ADAMTS7: variants seen among roughly 807,000 people sequenced by gnomAD.
ADAMTS7 encodes the protein A disintegrin and metalloproteinase with thrombospondin motifs 7.
ADAMTS7 carries 89 observed loss-of-function variants against 172.6 expected under a neutral mutation model. The ratio of observed to expected loss-of-function variants is 0.52; its 90% confidence interval spans 0.43 to 0.61. The LOEUF (loss-of-function observed/expected upper bound fraction) is 0.61. Among genes scored for constraint, ADAMTS7 ranks in the 20% least tolerant of loss-of-function variants. The pLI is 0.00. For missense variants in ADAMTS7, 1,973 were observed against 2,355.6 expected (o/e 0.84, Z 3.36); for synonymous variants, 885 against 978.4 (o/e 0.90, Z 1.78).
chr15:78,773,036 C>T (rs1327341922), intron 14 of ADAMTS7, 47 bp downstream of exon 14: 1 of 1,442,730 alleles, frequency 6.9e-7, no homozygotes, highest in South Asian at 1.2e-5. Context: ...GGGAAGGGGC[C>T]ATCAGGTGAA....
chr15:78,793,742 T>C (rs776764787), intron 4 of ADAMTS7, among the ~76,000 whole-genome samples: 25 of 152,190 alleles, frequency 1.6e-4, no homozygotes, highest in Non-Finnish European at 2.9e-4. Context: ...CAGTCTTAAA[T>C]AAACATCTGA....
intron 1 of ADAMTS7, 129 bp downstream of exon 1, chr15:78,810,992 A>T (rs1318047781): frequency 3.9e-6 from 4 of 1,024,082 alleles, no homozygotes; most frequent in Non-Finnish European, 5.0e-6. Flanking sequence ...CAGGGAGCGG[A>T]AGACGCGACC....
chr15:78,775,312 G>A (rs996361439), intron 11 of ADAMTS7, among the ~76,000 whole-genome samples: 1 of 152,322 alleles, frequency 6.6e-6, no homozygotes, highest in South Asian at 2.1e-4. Context: ...ACCTAGCACA[G>A]CTCCTGAAAT....
intron 4 of ADAMTS7, among the ~76,000 whole-genome samples, chr15:78,793,353 T>C (rs1596195725): frequency 1.4e-5 from 1 of 69,204 alleles, no homozygotes. Context: ...CTGTTTTACC[T>C]TTTTTTTTTT....
At position 78,777,483 on chromosome 15, in the gene ADAMTS7, G is replaced by T. The variant is rs145300723; in HGVS notation, c.1428C>A (p.Leu476=). ...VLYDVSHQCR[L]QYGAYSAFCE... ...AGAAGGCAGAGTAGGCCCCGTACTG[G>T]AGGCGGCACTGGTGGCTTACATCAT... The change falls in exon 9 of 24, where the codon CTC becomes CTA. Residue 476 remains leucine, a synonymous_variant. Transcript: ENST00000388820. The T allele has an allele frequency of 1.2e-4, 188 of 1,612,918 alleles. No homozygotes were observed. Among genetic ancestry groups the T allele is most frequent in the Non-Finnish European group, 1.5e-4 (179 of 1,179,626 alleles).
chr15:78,796,921 G>A (rs571187946), intron 3 of ADAMTS7, 135 bp from the exon 4 acceptor site: 16 of 770,046 alleles, frequency 2.1e-5, no homozygotes, highest in Admixed American at 1.2e-4. Flanking sequence ...GCCTGAATTC[G>A]CCTCCTGGCT....
intron 8 of ADAMTS7, among the ~76,000 whole-genome samples, chr15:78,784,411 G>A (rs1489946635): frequency 9.9e-5 from 5 of 50,318 alleles, no homozygotes; most frequent in Non-Finnish European, 2.1e-4. Flanking sequence ...GAAGAGGGGG[G>A]AGGGAGGGAG....
At chr15:78,789,544 G>T in intron 7 of ADAMTS7, 145 bp downstream of exon 7, 1 of 1,151,392 alleles carries the variant, frequency 8.7e-7, no homozygotes, top group Non-Finnish European at 1.2e-6. Flanking sequence ...GACAGTGCAG[G>T]GGCAGCACAT....
intron 1 of ADAMTS7, among the ~76,000 whole-genome samples, chr15:78,807,704 G>A (rs1414093188): frequency 6.6e-6 from 1 of 152,172 alleles, no homozygotes; most frequent in East Asian, 1.9e-4. Context: ...TATAACAACA[G>A]CTGGCACATA....
At chr15:78,769,026 T>C (rs988943771) in intron 16 of ADAMTS7, among the ~76,000 whole-genome samples, 1 of 152,100 alleles carries the variant, frequency 6.6e-6, no homozygotes, top group African/African-American at 2.4e-5. Flanking sequence ...TGCCTGAGCC[T>C]TCAGGGCCCA....
At chr15:78,796,361 A>G (rs2055642890) in intron 4 of ADAMTS7, among the ~76,000 whole-genome samples, 1 of 151,862 alleles carries the variant, frequency 6.6e-6, no homozygotes, top group Non-Finnish European at 1.5e-5. Context: ...GTGGCATGAC[A>G]CCCTATGGTG....
intron 8 of ADAMTS7, among the ~76,000 whole-genome samples, chr15:78,780,322 C>T (rs1423716070): frequency 6.6e-6 from 1 of 152,162 alleles, no homozygotes; most frequent in African/African-American, 2.4e-5. Context: ...GCCTCACTCT[C>T]ACCTTGAGAC....
At position 78,805,829 on chromosome 15, in the gene ADAMTS7, G is replaced by A. The variant is rs28524947; in HGVS notation, c.101-5282C>T. Among the ~76,000 whole-genome samples the A allele has an allele frequency of 7.4e-3, 1,119 of 152,092 alleles. 13 individuals are homozygous for A. Among genetic ancestry groups the A allele is most frequent in the African/African-American group, 0.025 (1,055 of 41,472 alleles). ...GACGCAGTGCCTCACACCTGTAATC[G>A]CAGCATTTTGGAAGACCGAGGAGGG... On this transcript the variant is annotated intron_variant, in intron 1 of 23. Transcript: ENST00000388820.
Position 78,800,459 on chromosome 15 carries a change from C to G in ADAMTS7, c.189G>C (p.Trp63Cys). ...CATCCCGCTTGCGCAGTGCGCGGGG[C>G]CACAGCTCGTAGGACAGGAAGGAGC... The part of the protein sequence containing the change: ...AGGSFLSYEL[W>C]PRALRKRDVS... Residue 63 changes from tryptophan to cysteine, a missense_variant, in exon 2 of 24, where the codon TGG becomes TGC. By Grantham distance (215) the Trp-to-Cys change is radical. Transcript: ENST00000388820. 3 of 1,610,932 alleles carry G rather than the reference C, an allele frequency of 1.9e-6. No individual in the cohort carries two copies. Among genetic ancestry groups the G allele is most frequent in the Non-Finnish European group, 2.5e-6 (3 of 1,179,146 alleles).
At chr15:78,767,622 T>TGGCATCAGA in intron 17 of ADAMTS7, 30 bp from the exon 18 acceptor site, 2 of 1,514,058 alleles carry the variant, frequency 1.3e-6, no homozygotes, top group Non-Finnish European at 8.9e-7. Context: ...GGCATCAGTG[T>TGGCATCAGA]GGCATCAGAC....
chr15:78,804,263 C>G (rs1466910991), intron 1 of ADAMTS7, among the ~76,000 whole-genome samples: 1 of 152,214 alleles, frequency 6.6e-6, no homozygotes. Flanking sequence ...TCACGTTTCT[C>G]AAATCTCTTT....
At chr15:78,777,271 G>C in intron 9 of ADAMTS7, 173 bp downstream of exon 9, 1 of 932,216 alleles carries the variant, frequency 1.1e-6, no homozygotes, top group Non-Finnish European at 1.6e-6. Flanking sequence ...GTCTGTGGCC[G>C]CCCATCCCTG....
intron 20 of ADAMTS7, 46 bp from the exon 21 acceptor site, chr15:78,764,145 C>G: frequency 1.4e-6 from 2 of 1,472,092 alleles, no homozygotes; most frequent in Non-Finnish European, 1.8e-6. Context: ...TGTGCAGGCC[C>G]ACAGGCGTGA....
At chr15:78,793,572 C>T (rs1428156697) in intron 4 of ADAMTS7, among the ~76,000 whole-genome samples, 2 of 152,138 alleles carry the variant, frequency 1.3e-5, no homozygotes, top group Non-Finnish European at 2.9e-5. Context: ...TATTCAACAG[C>T]AGCATCTTTT....
Sources: gnomAD v4.1 joint callset for allele counts (sites outside exome capture counted in the v4.1 genomes callset) on GRCh38, gnomAD v4.1.1 for gene constraint, MANE v1.5 for transcripts, NCBI Gene and HGNC (gene_info 2026-07-23, HGNC 2026-07-21) for gene names.